EFCAB8: variants seen among roughly 807,000 people sequenced by gnomAD.
EFCAB8 encodes the protein EF-hand calcium-binding domain-containing protein 8.
Under a neutral mutation model 116.3 loss-of-function variants are expected in EFCAB8, and 100 were observed. The ratio of observed to expected loss-of-function variants is 0.86; its 90% CI spans 0.73 to 1.02. The LOEUF (loss-of-function observed/expected upper bound fraction) is 1.02. Ranked by LOEUF, EFCAB8 falls within the 50% of genes least tolerant of loss-of-function variation. EFCAB8 has a pLI of 0.00. For missense variants in EFCAB8, 1,320 were observed against 1,416.9 expected, an observed-to-expected ratio of 0.93 and a Z score of 1.10; for synonymous variants, 558 against 567.9, an observed-to-expected ratio of 0.98 and a Z score of 0.25.
intron 4 of EFCAB8, 45 bp from the exon 5 acceptor site, chr20:32,878,659 C>T: frequency 1.4e-6 from 2 of 1,476,112 alleles, no homozygotes; most frequent in Non-Finnish European, 1.9e-6. Flanking sequence ...AGGCTGAGAC[C>T]ATTTTGCCAA....
chr20:32,892,526 C>T (rs1181207019), intron 8 of EFCAB8, among the ~76,000 whole-genome samples: 2 of 152,224 alleles, frequency 1.3e-5, no homozygotes, highest in Non-Finnish European at 2.9e-5. Flanking sequence ...CTCCCCCACC[C>T]AAGACAGCCA....
At chr20:32,956,397 T>G (rs1988964781) in intron 23 of EFCAB8, among the ~76,000 whole-genome samples, 1 of 152,196 alleles carries the variant, frequency 6.6e-6, no homozygotes, top group South Asian at 2.1e-4. Flanking sequence ...TTTTCCTTTA[T>G]TCTGAAGAAA....
At chr20:32,915,041 G>A (rs996857702) in intron 17 of EFCAB8, among the ~76,000 whole-genome samples, 2 of 151,980 alleles carry the variant, frequency 1.3e-5, no homozygotes, top group Non-Finnish European at 2.9e-5. Context: ...AGAACTACAG[G>A]CACATGCCAC....
At chr20:32,886,600 G>T (rs1364003998) in intron 6 of EFCAB8, among the ~76,000 whole-genome samples, 1 of 152,112 alleles carries the variant, frequency 6.6e-6, no homozygotes, top group Non-Finnish European at 1.5e-5. Flanking sequence ...GCACCAAGGG[G>T]GAGTCACGAT....
At chr20:32,946,836 T>C (rs79888315) in intron 23 of EFCAB8, among the ~76,000 whole-genome samples, 3,230 of 152,320 alleles carry the variant, frequency 0.021, 131 homozygotes, top group African/African-American at 0.073. Flanking sequence ...ATTGATCTGT[T>C]TGTCTCTATA....
intron 22 of EFCAB8, among the ~76,000 whole-genome samples, chr20:32,941,346 C>A (rs1200053327): frequency 6.7e-6 from 1 of 149,258 alleles, no homozygotes; most frequent in Non-Finnish European, 1.5e-5. Context: ...TGTAGACTTA[C>A]CATATTACCC....
chr20:32,896,625 A>G, intron 10 of EFCAB8, 98 bp downstream of exon 10: 1 of 675,804 alleles, frequency 1.5e-6, no homozygotes, highest in Non-Finnish European at 2.7e-6. Context: ...CCCTGGGTTC[A>G]GTCTTAGCCC....
intron 10 of EFCAB8, among the ~76,000 whole-genome samples, chr20:32,897,177 C>T (rs1256355082): frequency 1.3e-5 from 2 of 152,128 alleles, no homozygotes; most frequent in Admixed American, 1.3e-4. Context: ...CCTAGGACAA[C>T]CCTGTGCCCA....
At chr20:32,951,413 A>G (rs1289573629) in intron 23 of EFCAB8, among the ~76,000 whole-genome samples, 4 of 152,254 alleles carry the variant, frequency 2.6e-5, no homozygotes, top group African/African-American at 7.2e-5. Context: ...GAGAGAAGCC[A>G]GACGAAAACC....
chr20:32,884,938 C>T (rs551453025), intron 5 of EFCAB8, among the ~76,000 whole-genome samples: 5 of 152,296 alleles, frequency 3.3e-5, no homozygotes, highest in East Asian at 1.9e-4. Flanking sequence ...TGCTCAAGGG[C>T]GGCCTCCTGC....
intron 11 of EFCAB8, among the ~76,000 whole-genome samples, chr20:32,905,432 G>T (rs1329818893): frequency 2.6e-5 from 4 of 152,100 alleles, no homozygotes; most frequent in Non-Finnish European, 4.4e-5. Flanking sequence ...TAAACTGTTT[G>T]TCCAGATCCC....
chr20:32,918,488 A>G lies in EFCAB8; in HGVS notation c.2188A>G (p.Thr730Ala). The stretch of plus-strand genomic sequence containing the variant: ...TCTCAGCCCCGAGTCTGTGGCCAAT[A>G]CCAACCTGAGGCGGAGCCTGGTGTC... The part of the protein sequence containing the change: ...SSLSPESVAN[T>A]NLRRSLVSAP... The change falls in exon 19 of 27, where the codon ACC (threonine) becomes GCC (alanine). Residue 730 changes from threonine (T) to alanine (A), a missense_variant. Transcript: ENST00000400522. The G allele has an allele frequency of 6.4e-7, 1 of 1,551,664 alleles. No homozygotes were observed. The highest frequency in any genetic ancestry group is 8.7e-7 in the Non-Finnish European group (1 of 1,146,968).
At chr20:32,940,305 G>A (rs1415142948) in intron 22 of EFCAB8, among the ~76,000 whole-genome samples, 1 of 149,214 alleles carries the variant, frequency 6.7e-6, no homozygotes, top group Non-Finnish European at 1.5e-5. Flanking sequence ...CAAGAATGCT[G>A]AGACAATCAA....
chr20:32,961,655 C>T lies in EFCAB8; in HGVS notation c.*46C>T. 1.7e-6 allele frequency: 2 copies of T among 1,143,308 alleles called. No individual in the cohort carries two copies. Among genetic ancestry groups the T allele is most frequent in the Middle Eastern group, 4.2e-4 (2 of 4,726 alleles). The allele number at this position is 1,143,308 out of a possible 1,614,324, so 70.8% of individuals were successfully genotyped here. Reference sequence around the variant, plus strand: ...AGTCCTCCAGCAGGGCAACCAGGCCCATGGCGGTCCTGCATGTTCTCGGCT... The same window carrying T: ...AGTCCTCCAGCAGGGCAACCAGGCCTATGGCGGTCCTGCATGTTCTCGGCT... On this transcript the variant is annotated 3_prime_UTR_variant, in exon 27 of 27. Coordinates refer to ENST00000400522, the MANE Select transcript of EFCAB8 (RefSeq NM_001143967.2).
At chr20:32,935,730 T>G (rs1988095749) in intron 22 of EFCAB8, among the ~76,000 whole-genome samples, 1 of 152,080 alleles carries the variant, frequency 6.6e-6, no homozygotes, top group Non-Finnish European at 1.5e-5. Flanking sequence ...GGTCTTGAAC[T>G]CCTGACCTCA....
At chr20:32,872,858 G>A (rs1568899876) in intron 3 of EFCAB8, among the ~76,000 whole-genome samples, 3 of 150,744 alleles carry the variant, frequency 2.0e-5, no homozygotes, top group Non-Finnish European at 4.4e-5. Flanking sequence ...TTGGGAGGCC[G>A]AGGTGGGCGG....
rs1224074644 is a variant in EFCAB8 at position 32,892,245 on chromosome 20, C to T, written c.706C>T (p.Arg236Trp). ...FFDISDHKCV[R>W]AFTFVDLDSC... The stretch of plus-strand genomic sequence containing the variant: ...TGATATTAGTGACCACAAATGTGTC[C>T]GGGCCTTCACCTTTGTTGATCTGGA... The change falls in exon 8 of 27, where the codon CGG (arginine) becomes TGG (tryptophan). Residue 236 changes from arginine to tryptophan, a missense_variant. Arg to Trp is a moderately radical substitution (Grantham distance 101). Transcript: ENST00000400522. 19 of 1,551,626 alleles carry T rather than the reference C, an allele frequency of 1.2e-5. No homozygotes were observed. The highest frequency in any genetic ancestry group is 1.7e-4 in the Middle Eastern group (1 of 5,984).
intron 20 of EFCAB8, among the ~76,000 whole-genome samples, chr20:32,920,856 G>A (rs1568931138): frequency 6.6e-6 from 1 of 152,134 alleles, no homozygotes; most frequent in African/African-American, 2.4e-5. Context: ...GGGGAGGTAG[G>A]GAGGTAGGAG....
rs113151698 is a variant in EFCAB8, at chr20:32,879,670, C to T, written c.431+863C>T. 8.8e-3 allele frequency among the ~76,000 whole-genome samples: 1,342 copies of T among 152,120 alleles called. 18 individuals carry two copies. Among genetic ancestry groups the T allele is most frequent in the African/African-American group, 0.031 (1,274 of 41,478 alleles). On this transcript the variant is annotated intron_variant, in intron 5 of 26. Coordinates refer to ENST00000400522, the MANE Select transcript of EFCAB8 (RefSeq NM_001143967.2). ...GGAAAAATAAGATAGGACAGAGGGGCGATGAGCCAAGCGTAATACATGGCG... is the reference window on the plus strand; with the variant it reads ...GGAAAAATAAGATAGGACAGAGGGGTGATGAGCCAAGCGTAATACATGGCG...
Sources: gnomAD v4.1 joint callset for allele counts (sites outside exome capture counted in the v4.1 genomes callset) on GRCh38, gnomAD v4.1.1 for gene constraint, MANE v1.5 for transcripts, NCBI Gene and HGNC (gene_info 2026-07-23, HGNC 2026-07-21) for gene names.